PRMT8: variants seen among roughly 807,000 people sequenced by gnomAD.
PRMT8 encodes the protein protein arginine N-methyltransferase 8.
In PRMT8, 7 loss-of-function variants were observed where a neutral mutation model predicts 47.1. That is an observed-to-expected ratio of 0.15 (90% CI 0.08 to 0.28). The LOEUF (loss-of-function observed/expected upper bound fraction) is 0.28, where lower values mean the gene tolerates loss of function less well. Among genes scored for constraint, PRMT8 ranks in the 10% least tolerant of loss-of-function variants. PRMT8 has a pLI of 1.00. For missense variants in PRMT8, 237 were observed against 505.4 expected (o/e 0.47, Z 5.09); for synonymous variants, 188 against 186.5 (o/e 1.01, Z -0.07).
At chr12:3,381,872 C>G (rs907033821) in intron 1 of PRMT8, among the ~76,000 whole-genome samples, 1 of 152,160 alleles carries the variant, frequency 6.6e-6, no homozygotes, top group Non-Finnish European at 1.5e-5. Context: ...CCTCCCACCT[C>G]CCTAAAAGAG....
chr12:3,457,574 G>A (rs113330317), intron 1 of PRMT8, among the ~76,000 whole-genome samples: 5 of 152,144 alleles, frequency 3.3e-5, no homozygotes, highest in African/African-American at 1.2e-4. Flanking sequence ...CTCGCAAAGA[G>A]CTGGGATTGC....
Position 3,540,619 on chromosome 12 carries a change from C to CCGA in PRMT8, c.90_91insGAC (p.Pro30_Ser31insAsp). The CCGA allele has an allele frequency of 1.7e-6, 2 of 1,174,308 alleles. No individual in the cohort carries two copies. Among genetic ancestry groups the CCGA allele is most frequent in the Non-Finnish European group, 2.5e-6 (2 of 789,590 alleles). 72.7% of individuals were successfully genotyped at this position (1,174,308 alleles called of 1,614,324 possible). Reference sequence around the variant, plus strand: ...TCTTCCCCTCAGGTGAACAGCCCCCCCTCCCAGCCCCCCCAGCCCGTCGTC... The same window carrying CCGA: ...TCTTCCCCTCAGGTGAACAGCCCCCCCGACTCCCAGCCCCCCCAGCCCGTCGTC... On this transcript the variant is annotated inframe_insertion, in exon 2 of 10. Transcript: ENST00000382622.
At chr12:3,509,292 C>G (rs1310928018) in intron 1 of PRMT8, among the ~76,000 whole-genome samples, 1 of 152,168 alleles carries the variant, frequency 6.6e-6, no homozygotes, top group Non-Finnish European at 1.5e-5. Context: ...CACTCAGCTG[C>G]CTACCTCCCT....
chr12:3,517,840 A>C (rs1203352871), intron 1 of PRMT8, among the ~76,000 whole-genome samples: 3 of 152,182 alleles, frequency 2.0e-5, no homozygotes, highest in Non-Finnish European at 2.9e-5. Context: ...AGCAAAAAAT[A>C]ATAAAGTATT....
chr12:3,423,294 A>G (rs1477877511), intron 1 of PRMT8, among the ~76,000 whole-genome samples: 2 of 152,234 alleles, frequency 1.3e-5, no homozygotes, highest in African/African-American at 4.8e-5. Context: ...TTTGATAGAT[A>G]GCATTTCTCA....
chr12:3,465,238 AT>A (rs1309179689), intron 1 of PRMT8, among the ~76,000 whole-genome samples: 2 of 100,932 alleles, frequency 2.0e-5, no homozygotes, highest in African/African-American at 4.5e-5. Context: ...AAATATATAT[AT>A]TTTTATATAA....
chr12:3,489,972 T>G (rs934000212), upstream of PRMT8, among the ~76,000 whole-genome samples: 4 of 152,192 alleles, frequency 2.6e-5, no homozygotes, highest in East Asian at 7.7e-4. Flanking sequence ...GAGGACCAGA[T>G]GATGGAGGCA....
intron 1 of PRMT8, among the ~76,000 whole-genome samples, chr12:3,464,840 T>C (rs1865076145): frequency 6.6e-6 from 1 of 152,098 alleles, no homozygotes; most frequent in African/African-American, 2.4e-5. Context: ...GAAATTTTGC[T>C]ATGAAACCTG....
At chr12:3,449,172 A>G (rs1220122091) in intron 1 of PRMT8, among the ~76,000 whole-genome samples, 2 of 152,128 alleles carry the variant, frequency 1.3e-5, no homozygotes, top group Admixed American at 1.3e-4. Flanking sequence ...TGTCTTTGCT[A>G]TTGTGAATGG....
At chr12:3,537,945 C>G (rs1310658980) in intron 1 of PRMT8, among the ~76,000 whole-genome samples, 1 of 152,200 alleles carries the variant, frequency 6.6e-6, no homozygotes, top group African/African-American at 2.4e-5. Flanking sequence ...AGCCCAAACA[C>G]AGAAGTCACT....
In PRMT8 at chr12:3,569,173, G is replaced by A. The variant is rs1866797303; in HGVS notation, c.625-304G>A. Among the ~76,000 whole-genome samples, 1 of 152,214 alleles carries A rather than the reference G, an allele frequency of 6.6e-6. No homozygotes were observed. The highest frequency in any genetic ancestry group is 1.5e-5 in the Non-Finnish European group (1 of 68,034). On this transcript the variant is annotated intron_variant, in intron 5 of 9. Transcript: ENST00000382622. This position sits in a 1 kb window ranked among gnomAD's most constrained non-coding sequence, Gnocchi z 8.2. ...ACTTGCATGGCTGCCAGAGCCAGGT[G>A]TGCTATTCATCTGGGCTTCTCCAGG...
intron 1 of PRMT8, among the ~76,000 whole-genome samples, chr12:3,482,686 T>TGAGA (rs1865285685): frequency 6.6e-6 from 1 of 152,174 alleles, no homozygotes; most frequent in South Asian, 2.1e-4. Context: ...TGGGGTGTCC[T>TGAGA]TTTTACACTT....
intron 1 of PRMT8, among the ~76,000 whole-genome samples, chr12:3,388,555 G>A (rs1350315957): frequency 2.0e-5 from 3 of 152,152 alleles, no homozygotes; most frequent in Admixed American, 6.5e-5. Context: ...CACTGATGAT[G>A]AGTGTTTATT....
At chr12:3,473,768 A>G (rs1485943191) in intron 1 of PRMT8, among the ~76,000 whole-genome samples, 1 of 151,904 alleles carries the variant, frequency 6.6e-6, no homozygotes, top group African/African-American at 2.4e-5. Flanking sequence ...CCAACCACCC[A>G]ATTGGCCAAA....
At chr12:3,515,342 A>G (rs56718697) in intron 1 of PRMT8, among the ~76,000 whole-genome samples, 15,686 of 152,208 alleles carry the variant, frequency 0.1, 1,025 homozygotes, top group African/African-American at 0.18. Flanking sequence ...GGCCAGTAGC[A>G]TCAGCGTCAC....
intron 1 of PRMT8, among the ~76,000 whole-genome samples, chr12:3,495,590 C>T (rs1865492651): frequency 6.6e-6 from 1 of 152,184 alleles, no homozygotes; most frequent in Admixed American, 6.5e-5. Flanking sequence ...GTTCCTAACG[C>T]CTGTCTCTCA....
At position 3,539,929 on chromosome 12, in the gene PRMT8, C is replaced by T. The variant is rs144472950; in HGVS notation, c.76-677C>T. Among the ~76,000 whole-genome samples, 14 of 152,276 alleles carry T rather than the reference C, an allele frequency of 9.2e-5. No homozygotes were observed. The East Asian group carries it at 2.5e-3, about 27-fold the overall frequency. ...CCTAAGACATCTGCATTTTGGGGGC[C>T]GTATCCTCTTCTAGCTTGATGCTGC... On this transcript the variant is annotated intron_variant, in intron 1 of 9. Coordinates refer to ENST00000382622, the MANE Select transcript of PRMT8 (RefSeq NM_019854.5).
Position 3,583,189 on chromosome 12 carries a change from G to A in PRMT8, c.960G>A (p.Lys320=). The A allele has an allele frequency of 6.2e-7, 1 of 1,612,978 alleles. No individual in the cohort carries two copies. Among genetic ancestry groups the A allele is most frequent in the South Asian group, 1.1e-5 (1 of 90,748 alleles). ...YFNIEFTKCH[K]KMGFSTAPDA... The stretch of plus-strand genomic sequence containing the variant: ...ATATTGAATTTACCAAGTGCCACAA[G>A]AAAATGGGGTTTTCCACAGGTGAGC... Residue 320 remains lysine (K), a synonymous_variant, in exon 8 of 10, where the codon AAG becomes AAA. Coordinates refer to ENST00000382622, the MANE Select transcript of PRMT8 (RefSeq NM_019854.5). This position sits in a 1 kb window ranked among gnomAD's most constrained non-coding sequence, Gnocchi z 4.7.
intron 8 of PRMT8, among the ~76,000 whole-genome samples, chr12:3,588,884 T>TG (rs1456927716): frequency 6.6e-6 from 1 of 152,116 alleles, no homozygotes; most frequent in Non-Finnish European, 1.5e-5. Flanking sequence ...TAGATGGGGT[T>TG]GGGGCAGGGG....
Sources: gnomAD v4.1 joint callset for allele counts (sites outside exome capture counted in the v4.1 genomes callset) on GRCh38, gnomAD v4.1.1 for gene constraint, Gnocchi (gnomAD v3.1) non-coding constraint, MANE v1.5 for transcripts, NCBI Gene and HGNC (gene_info 2026-07-23, HGNC 2026-07-21) for gene names.